Variants in FGF1 observed in about 807,000 individuals in gnomAD.
FGF1 encodes beta-endothelial cell growth factor.
Under a neutral mutation model 13.4 loss-of-function variants are expected in FGF1, and 9 were observed. The ratio of observed to expected loss-of-function variants is 0.67; its 90% CI spans 0.40 to 1.17. The LOEUF (loss-of-function observed/expected upper bound fraction) is 1.17, where lower values mean the gene tolerates loss of function less well. Among genes scored for constraint, FGF1 ranks in the 50% most tolerant of loss-of-function variants. The pLI, the probability that FGF1 is intolerant of heterozygous loss-of-function variation, is 0.01. For synonymous variants in FGF1, 93 were observed against 79.0 expected, an observed-to-expected ratio of 1.18 and a Z score of -0.94; for missense variants, 156 against 192.7, an observed-to-expected ratio of 0.81 and a Z score of 1.13.
chr5:142,647,807 G>A (rs558740862), intron 1 of FGF1, among the ~76,000 whole-genome samples: 34 of 152,274 alleles, frequency 2.2e-4, no homozygotes, highest in African/African-American at 6.3e-4. Flanking sequence ...GGTTGGGCAC[G>A]GTGGGTGGGA....
At chr5:142,640,073 A>G (rs951202971) in intron 1 of FGF1, among the ~76,000 whole-genome samples, 4 of 151,914 alleles carry the variant, frequency 2.6e-5, no homozygotes, top group African/African-American at 9.7e-5. Context: ...TGATTAAGTC[A>G]CTTTGGAATG....
chr5:142,643,978 C>T (rs553373136), intron 1 of FGF1: 120 of 152,356 alleles, frequency 7.9e-4, no homozygotes, highest in African/African-American at 2.8e-3. Flanking sequence ...AACATCTTTT[C>T]CAATTCTCAT....
At chr5:142,614,262 T>G in intron 1 of FGF1, 101 bp from the exon 2 acceptor site, 7 of 878,466 alleles carry the variant, frequency 8.0e-6, no homozygotes, top group Non-Finnish European at 1.2e-5. Context: ...GGTTCCCGGG[T>G]AGTGAGTAAG....
At chr5:142,657,206 C>T (rs533040205) in intron 1 of FGF1, among the ~76,000 whole-genome samples, 14 of 152,214 alleles carry the variant, frequency 9.2e-5, no homozygotes, top group East Asian at 1.9e-4. Context: ...TGTGAGCCAC[C>T]GCACCCAGGC....
intron 2 of FGF1, among the ~76,000 whole-genome samples, chr5:142,693,611 C>G (rs188836777): frequency 6.6e-6 from 1 of 152,178 alleles, no homozygotes; most frequent in Non-Finnish European, 1.5e-5. Flanking sequence ...CAAAGTTGTG[C>G]GGCCATCACA....
intron 1 of FGF1, among the ~76,000 whole-genome samples, chr5:142,667,262 C>A (rs1445548266): frequency 7.1e-6 from 1 of 141,246 alleles, no homozygotes; most frequent in East Asian, 2.1e-4. Context: ...CCAGCCTGGG[C>A]AACAGAGCGA....
At chr5:142,602,613 C>G (rs899313771) in intron 2 of FGF1, among the ~76,000 whole-genome samples, 4 of 152,162 alleles carry the variant, frequency 2.6e-5, no homozygotes, top group Non-Finnish European at 1.5e-5. Flanking sequence ...CCCTCCTAGA[C>G]ACCTTGTGTG....
chr5:142,666,211 C>G (rs1301073282), intron 1 of FGF1, among the ~76,000 whole-genome samples: 3 of 114,422 alleles, frequency 2.6e-5, no homozygotes, highest in Non-Finnish European at 5.3e-5. Context: ...ATGGCCCTCG[C>G]GAAAAAGGAC....
intron 1 of FGF1, among the ~76,000 whole-genome samples, chr5:142,632,338 T>C (rs1763507141): frequency 6.6e-6 from 1 of 152,176 alleles, no homozygotes; most frequent in Non-Finnish European, 1.5e-5. Flanking sequence ...GACTTAAAGA[T>C]GGGGGCTTCT....
intron 1 of FGF1, among the ~76,000 whole-genome samples, chr5:142,627,883 C>T (rs1449581673): frequency 7.2e-5 from 11 of 152,318 alleles, no homozygotes; most frequent in African/African-American, 2.4e-4. Context: ...TTTGATCCCA[C>T]ATAAACAGTC....
chr5:142,598,891 G>T (rs1461756884), intron 3 of FGF1, among the ~76,000 whole-genome samples: 2 of 152,136 alleles, frequency 1.3e-5, no homozygotes, highest in Admixed American at 6.5e-5. Flanking sequence ...GTGAAAGCAG[G>T]TTACAATAAA....
upstream of FGF1, among the ~76,000 whole-genome samples, chr5:142,686,835 T>C (rs571017315): frequency 6.6e-6 from 1 of 152,250 alleles, no homozygotes; most frequent in South Asian, 2.1e-4. Context: ...CCTGTCCCCG[T>C]TGGATGAGGT....
chr5:142,608,560 A>C (rs1358756090), intron 2 of FGF1, among the ~76,000 whole-genome samples: 1 of 92,912 alleles, frequency 1.1e-5, no homozygotes, highest in African/African-American at 5.2e-5. Flanking sequence ...ATATATATAT[A>C]TATATATATA....
At chr5:142,674,329 C>G (rs1007766061) in intron 1 of FGF1, among the ~76,000 whole-genome samples, 1 of 152,146 alleles carries the variant, frequency 6.6e-6, no homozygotes, top group Non-Finnish European at 1.5e-5. Flanking sequence ...ATCGTATCTG[C>G]TCTTGTGTTG....
At chr5:142,597,741 C>T (rs1755613256) in intron 3 of FGF1, among the ~76,000 whole-genome samples, 1 of 152,122 alleles carries the variant, frequency 6.6e-6, no homozygotes, top group Admixed American at 6.6e-5. Flanking sequence ...GTTCATTGTT[C>T]TCTATGTGTG....
chr5:142,686,095 G>A (rs1456328449), upstream of FGF1: 1 of 152,172 alleles, frequency 6.6e-6, no homozygotes, highest in African/African-American at 2.4e-5. Flanking sequence ...AGCTCTGAGT[G>A]GGGAGAGGGA....
intron 2 of FGF1, among the ~76,000 whole-genome samples, chr5:142,606,794 C>T (rs543357254): frequency 6.6e-6 from 1 of 152,292 alleles, no homozygotes; most frequent in Non-Finnish European, 1.5e-5. Flanking sequence ...TTCATCCTAA[C>T]TCTATTTCTT....
intron 1 of FGF1, among the ~76,000 whole-genome samples, chr5:142,638,304 G>A (rs917864147): frequency 6.6e-6 from 1 of 151,886 alleles, no homozygotes; most frequent in African/African-American, 2.4e-5. Context: ...ACCTCTCTTT[G>A]CCAACAATGC....
At chr5:142,677,571 G>C (rs1772861217) in intron 1 of FGF1, among the ~76,000 whole-genome samples, 1 of 152,218 alleles carries the variant, frequency 6.6e-6, no homozygotes. Context: ...ACCTGAGTTA[G>C]GGTGAGAGGC....
Sources: gnomAD v4.1 joint callset for allele counts (sites outside exome capture counted in the v4.1 genomes callset) on GRCh38, gnomAD v4.1.1 for gene constraint, MANE v1.5 for transcripts, NCBI Gene and HGNC (gene_info 2026-07-23, HGNC 2026-07-21) for gene names.